GRB2: variants seen among roughly 807,000 people sequenced by gnomAD.
GRB2 encodes growth factor receptor bound protein 2, also known as growth factor receptor-bound protein 2.
In GRB2, 2 loss-of-function variants were observed where a neutral mutation model predicts 27.4. That is an observed-to-expected ratio of 0.07 (90% CI 0.03 to 0.23). The LOEUF is 0.23. GRB2 is among the 10% of genes least tolerant of loss of function. The probability of loss-of-function intolerance (pLI) is 1.00; values close to 1 mark genes in which losing one functional copy is unlikely to be tolerated. For synonymous variants in GRB2, 94 were observed against 99.6 expected (o/e 0.94, Z 0.33); for missense variants, 102 against 282.4 (o/e 0.36, Z 4.58).
chr17:75,366,374 G>C (rs1237487482), intron 2 of GRB2, among the ~76,000 whole-genome samples: 1 of 151,884 alleles, frequency 6.6e-6, no homozygotes, highest in Non-Finnish European at 1.5e-5. Context: ...GTTATATACA[G>C]TATGGTCTCT....
chr17:75,404,276 G>A (rs1450187236), intron 1 of GRB2, among the ~76,000 whole-genome samples: 1 of 152,094 alleles, frequency 6.6e-6, no homozygotes, highest in East Asian at 1.9e-4. Context: ...GATTTCTTAG[G>A]GATGAATTCA....
intron 2 of GRB2, among the ~76,000 whole-genome samples, chr17:75,391,827 A>G (rs1049194808): frequency 7.8e-6 from 1 of 127,842 alleles, no homozygotes; most frequent in Non-Finnish European, 1.8e-5. Flanking sequence ...AAAAAAAAAA[A>G]AATTCTTAAA....
At chr17:75,365,609 A>G (rs909331606) in intron 2 of GRB2, among the ~76,000 whole-genome samples, 10 of 152,198 alleles carry the variant, frequency 6.6e-5, no homozygotes, top group East Asian at 5.8e-4. Context: ...ATCTGGTACA[A>G]TCTATACCAA....
chr17:75,359,872 C>A (rs1159666138), intron 2 of GRB2, among the ~76,000 whole-genome samples: 1 of 151,764 alleles, frequency 6.6e-6, no homozygotes, highest in Non-Finnish European at 1.5e-5. Context: ...GTAGCCTCGG[C>A]TATTAATCTT....
chr17:75,376,817 C>T (rs529415773), intron 2 of GRB2, among the ~76,000 whole-genome samples: 1 of 152,166 alleles, frequency 6.6e-6, no homozygotes, highest in Non-Finnish European at 1.5e-5. Flanking sequence ...GCCTGGGCAA[C>T]ATAATGAGAC....
intron 2 of GRB2, among the ~76,000 whole-genome samples, chr17:75,383,021 A>AT (rs533682762): frequency 2.0e-5 from 3 of 151,494 alleles, no homozygotes; most frequent in Non-Finnish European, 3.0e-5. Flanking sequence ...CATCCTTAAG[A>AT]TTTTTAAAAG....
intron 2 of GRB2, among the ~76,000 whole-genome samples, chr17:75,357,728 G>A (rs1049018441): frequency 7.2e-5 from 11 of 152,180 alleles, no homozygotes; most frequent in African/African-American, 2.6e-4. Context: ...CGAGACCAGC[G>A]TGGCCAACAT....
At chr17:75,355,508 G>A (rs1343230604) in intron 2 of GRB2, among the ~76,000 whole-genome samples, 1 of 151,530 alleles carries the variant, frequency 6.6e-6, no homozygotes, top group Non-Finnish European at 1.5e-5. Context: ...ACATAAATCG[G>A]GGATGTCCAA....
At chr17:75,378,069 C>G (rs895074162) in intron 2 of GRB2, among the ~76,000 whole-genome samples, 2 of 151,966 alleles carry the variant, frequency 1.3e-5, no homozygotes, top group African/African-American at 4.8e-5. Context: ...CCTCAATAGT[C>G]TTAGTTTCAG....
At chr17:75,335,148 G>A (rs987524138) in intron 2 of GRB2, among the ~76,000 whole-genome samples, 1 of 152,142 alleles carries the variant, frequency 6.6e-6, no homozygotes, top group African/African-American at 2.4e-5. Context: ...CCGCAGGTAA[G>A]GGGGGACTAG....
In GRB2 at chr17:75,354,269, G is replaced by T. The variant is rs889616632; in HGVS notation, c.79-21472C>A. On this transcript the variant is annotated intron_variant, in intron 2 of 5. Coordinates refer to ENST00000316804, the MANE Select transcript of GRB2 (RefSeq NM_002086.5). The stretch of plus-strand genomic sequence containing the variant: ...TTATTCATGGTCTTTTTTTTTGGGG[G>T]GGGGGGGGAGATGGAGTTTCACTCT... Among the ~76,000 whole-genome samples the T allele has an allele frequency of 1.3e-3, 133 of 103,372 alleles. 7 individuals carry two copies. Among genetic ancestry groups the T allele is most frequent in the Middle Eastern group, 3.8e-3 (1 of 260 alleles). The allele number at this position is 103,372 out of a possible 152,430, so 67.8% of individuals were successfully genotyped here. A position where few individuals can be genotyped will look rare whatever the true frequency, so the allele number is the denominator to read the frequency against.
At chr17:75,328,987 G>A (rs148786227) in intron 3 of GRB2, among the ~76,000 whole-genome samples, 21 of 150,418 alleles carry the variant, frequency 1.4e-4, no homozygotes, top group African/African-American at 5.1e-4. Context: ...ACACTTAACG[G>A]TATTGAGACC....
At chr17:75,370,656 G>C (rs917485171) in intron 2 of GRB2, among the ~76,000 whole-genome samples, 2 of 152,192 alleles carry the variant, frequency 1.3e-5, no homozygotes, top group Non-Finnish European at 2.9e-5. Flanking sequence ...AAACTCAAGA[G>C]AGCCATCTGA....
intron 2 of GRB2, among the ~76,000 whole-genome samples, chr17:75,363,721 A>G (rs1489867722): frequency 6.6e-6 from 1 of 151,870 alleles, no homozygotes; most frequent in Non-Finnish European, 1.5e-5. Flanking sequence ...TTAGCCGGGC[A>G]TGGTAGCAGG....
At chr17:75,353,088 G>C (rs1487296563) in intron 2 of GRB2, among the ~76,000 whole-genome samples, 1 of 151,690 alleles carries the variant, frequency 6.6e-6, no homozygotes, top group South Asian at 2.1e-4. Context: ...GGGAGGCTGA[G>C]GCAGGAGAAT....
chr17:75,324,291 A>C (rs1285880479), intron 4 of GRB2, among the ~76,000 whole-genome samples: 1 of 150,810 alleles, frequency 6.6e-6, no homozygotes. Context: ...TCTCGGGTTC[A>C]AGTGATTCTT....
chr17:75,370,800 G>T (rs1184236064), intron 2 of GRB2: 1 of 152,184 alleles, frequency 6.6e-6, no homozygotes, highest in Admixed American at 6.6e-5. Context: ...AACTCTCCCT[G>T]TGAGTTTTAT....
intron 4 of GRB2, among the ~76,000 whole-genome samples, chr17:75,325,630 TG>T (rs1555608446): frequency 6.6e-6 from 1 of 152,216 alleles, no homozygotes; most frequent in Non-Finnish European, 1.5e-5. Context: ...TCAGGAGTGC[TG>T]GGCACTAGGG....
At chr17:75,323,245 G>C (rs1050538655) in intron 4 of GRB2, among the ~76,000 whole-genome samples, 12 of 152,048 alleles carry the variant, frequency 7.9e-5, no homozygotes, top group African/African-American at 2.9e-4. Context: ...AATCCGGCAG[G>C]TGGCAGCACT....
Sources: gnomAD v4.1 joint callset for allele counts (sites outside exome capture counted in the v4.1 genomes callset) on GRCh38, gnomAD v4.1.1 for gene constraint, MANE v1.5 for transcripts, NCBI Gene and HGNC (gene_info 2026-07-23, HGNC 2026-07-21) for gene names.